NAALADL2: variants seen among roughly 807,000 people sequenced by gnomAD.
NAALADL2 encodes N-acetylated alpha-linked acidic dipeptidase like 2.
Under a neutral mutation model 87.2 loss-of-function variants are expected in NAALADL2, and 76 were observed. The ratio of observed to expected loss-of-function variants is 0.87; its 90% CI spans 0.72 to 1.05. The LOEUF is 1.05. NAALADL2 is among the 50% of genes least tolerant of loss of function. The probability of loss-of-function intolerance (pLI) is 0.00; values close to 1 mark genes in which losing one functional copy is unlikely to be tolerated. For synonymous variants in NAALADL2, 354 were observed against 331.0 expected, an observed-to-expected ratio of 1.07 and a Z score of -0.75; for missense variants, 1,089 against 945.8, an observed-to-expected ratio of 1.15 and a Z score of -1.99.
Position 174,804,475 on chromosome 3 carries a change from T to C in NAALADL2, c.-9+66729T>C, listed in dbSNP as rs571365852. Among the ~76,000 whole-genome samples the C allele has an allele frequency of 1.2e-3, 180 of 152,304 alleles. 1 individual carries two copies. The highest frequency in any genetic ancestry group is 1.9e-3 in the Non-Finnish European group (132 of 68,032). ...CCCATTATTTCTTTCTCTTGCTTGA[T>C]TGCCCTAGCCAGAACTTCCAACGCT... is the stretch of plus-strand genomic sequence containing the variant. On this transcript the variant is annotated intron_variant, in intron 3 of 3. Transcript: ENST00000434257.
intron 10 of NAALADL2, among the ~76,000 whole-genome samples, chr3:175,606,723 C>G (rs1723793748): frequency 6.6e-6 from 1 of 152,006 alleles, no homozygotes; most frequent in Non-Finnish European, 1.5e-5. Context: ...CTACTTGAGG[C>G]AAACAGAAGA....
intron 10 of NAALADL2, among the ~76,000 whole-genome samples, chr3:175,626,665 T>C (rs1727023688): frequency 6.6e-6 from 1 of 151,864 alleles, no homozygotes; most frequent in South Asian, 2.1e-4. Context: ...AGTCTCTACT[T>C]TTTGACTCCC....
intron 5 of NAALADL2, among the ~76,000 whole-genome samples, chr3:175,412,927 ATTT>A (rs1358371268): frequency 3.4e-5 from 5 of 145,632 alleles, no homozygotes; most frequent in South Asian, 4.3e-4. Context: ...TATTATTATT[ATTT>A]TTGAGACGGA....
At chr3:174,733,872 G>GC (rs1732938119) in intron 2 of NAALADL2, among the ~76,000 whole-genome samples, 1 of 152,152 alleles carries the variant, frequency 6.6e-6, no homozygotes, top group South Asian at 2.1e-4. Context: ...GAGGGGTCTG[G>GC]CCTCTCACTT....
In NAALADL2 at chr3:174,975,170, C is replaced by G. The variant is rs74609863; in HGVS notation, c.43+115720C>G. 4.6e-5 allele frequency among the ~76,000 whole-genome samples: 7 copies of G among 152,224 alleles called. No homozygotes were observed. The East Asian group carries it at 1.4e-3, about 29-fold the overall frequency. On this transcript the variant is annotated intron_variant, in intron 1 of 13. Coordinates refer to ENST00000454872, the MANE Select transcript of NAALADL2 (RefSeq NM_207015.3). ...GTGCACCAGCATATTGGATCCTGTT[C>G]CCACTGTCTTCCCTGAGTGACTTAA... is the stretch of plus-strand genomic sequence containing the variant.
intron 2 of NAALADL2, among the ~76,000 whole-genome samples, chr3:175,199,094 T>C (rs1459257750): frequency 6.6e-6 from 1 of 152,172 alleles, no homozygotes; most frequent in African/African-American, 2.4e-5. Context: ...TGAAACGGGA[T>C]TGTATTCATC....
At chr3:174,536,572 A>T (rs183953019) in intron 1 of NAALADL2, 3 of 152,276 alleles carry the variant, frequency 2.0e-5, no homozygotes, top group Admixed American at 1.3e-4. Context: ...CTTTTAGAAT[A>T]CTGTGTGTCA....
chr3:175,141,758 AAACT>A (rs1218010708), intron 2 of NAALADL2, among the ~76,000 whole-genome samples: 1 of 152,064 alleles, frequency 6.6e-6, no homozygotes, highest in Non-Finnish European at 1.5e-5. Context: ...CTTACCAAAC[AAACT>A]AATTTTGAGC....
chr3:174,774,807 T>A (rs1033292725), intron 3 of NAALADL2, among the ~76,000 whole-genome samples: 2 of 152,218 alleles, frequency 1.3e-5, no homozygotes, highest in African/African-American at 4.8e-5. Context: ...TGTAAACTTC[T>A]AAGTAATGAG....
At chr3:175,449,778 A>G (rs1379491945) in intron 6 of NAALADL2, among the ~76,000 whole-genome samples, 1 of 152,212 alleles carries the variant, frequency 6.6e-6, no homozygotes, top group African/African-American at 2.4e-5. Context: ...AATTAACAAC[A>G]GGCATGAAGC....
chr3:175,577,977 C>CT (rs527916080), intron 10 of NAALADL2, among the ~76,000 whole-genome samples: 4 of 151,930 alleles, frequency 2.6e-5, no homozygotes, highest in Admixed American at 2.0e-4. Flanking sequence ...GAAATTAGAG[C>CT]TTTTTTTATG....
At position 175,627,443 on chromosome 3, in the gene NAALADL2, A is replaced by G. The variant is rs535367489; in HGVS notation, c.1896+57A>G. ...GAAATATTTGTTCTTCTTTATTGGT[A>G]GATGGAGCAAAGGAACATAACCAAT... On this transcript the variant is annotated intron_variant, in intron 11 of 13. Transcript: ENST00000454872. The G allele has an allele frequency of 1.9e-5, 22 of 1,133,378 alleles. No homozygotes were observed. In the South Asian group the frequency reaches 2.9e-4, roughly 15 times the overall value. The allele number at this position is 1,133,378 out of a possible 1,614,324, so 70.2% of individuals were successfully genotyped here. A position where few individuals can be genotyped will look rare whatever the true frequency, so the allele number is the denominator to read the frequency against.
intron 2 of NAALADL2, among the ~76,000 whole-genome samples, chr3:174,599,908 A>T (rs914514591): frequency 6.6e-6 from 1 of 152,144 alleles, no homozygotes; most frequent in Admixed American, 6.6e-5. Context: ...CATTATCAAT[A>T]GTGGAGTAAG....
intron 1 of NAALADL2, among the ~76,000 whole-genome samples, chr3:174,947,141 A>G (rs1739554035): frequency 6.6e-6 from 1 of 152,204 alleles, no homozygotes; most frequent in African/African-American, 2.4e-5. Context: ...TAGGAGGGTC[A>G]AATGTATAAT....
chr3:174,550,740 A>T (rs1712023130), intron 2 of NAALADL2: 1 of 152,008 alleles, frequency 6.6e-6, no homozygotes, highest in Non-Finnish European at 1.5e-5. Context: ...TGCTTACAAT[A>T]TGTGCAACTG....
intron 1 of NAALADL2, among the ~76,000 whole-genome samples, chr3:175,043,907 A>G (rs1474431079): frequency 6.6e-6 from 1 of 152,158 alleles, no homozygotes; most frequent in East Asian, 1.9e-4. Context: ...ATCTATTTTT[A>G]TCATAAATGC....
intron 9 of NAALADL2, among the ~76,000 whole-genome samples, chr3:175,483,263 G>A (rs1033585977): frequency 1.3e-5 from 2 of 150,688 alleles, no homozygotes; most frequent in Admixed American, 6.6e-5. Context: ...TAGAAAGCAT[G>A]CACATAGTAA....
Position 175,086,416 on chromosome 3 carries a change from C to CA in NAALADL2, c.44-10365dup, listed in dbSNP as rs370401749. 5.5e-4 allele frequency among the ~76,000 whole-genome samples: 80 copies of CA among 146,766 alleles called. 1 individual carries two copies. Among genetic ancestry groups the CA allele is most frequent in the African/African-American group, 1.8e-3 (72 of 39,954 alleles). On this transcript the variant is annotated intron_variant, in intron 1 of 13. Transcript: ENST00000454872. ...AAAAATAGAGGGAGCATTACAGAAA[C>CA]AAAAAAAAAGAAACGGGAAAAGAAG...
chr3:175,130,889 T>A (rs1727728737), intron 2 of NAALADL2, among the ~76,000 whole-genome samples: 1 of 152,236 alleles, frequency 6.6e-6, no homozygotes, highest in Non-Finnish European at 1.5e-5. Context: ...GGCTGTTCAC[T>A]GTCTTTTATG....
Sources: gnomAD v4.1 joint callset for allele counts (sites outside exome capture counted in the v4.1 genomes callset) on GRCh38, gnomAD v4.1.1 for gene constraint, MANE v1.5 for transcripts, NCBI Gene and HGNC (gene_info 2026-07-23, HGNC 2026-07-21) for gene names.